The following LRRC4C variants were observed in gnomAD, a reference collection of about 807,000 sequenced individuals.
The protein encoded by LRRC4C is leucine rich repeat containing 4C.
In LRRC4C, 5 loss-of-function variants were observed where a neutral mutation model predicts 33.6. The ratio of observed to expected loss-of-function variants is 0.15; its 90% confidence interval spans 0.08 to 0.31. The LOEUF (loss-of-function observed/expected upper bound fraction) is 0.31, where lower values mean the gene tolerates loss of function less well. Among genes scored for constraint, LRRC4C ranks in the 10% least tolerant of loss-of-function variants. LRRC4C has a pLI of 1.00. For missense variants in LRRC4C, 560 were observed against 796.7 expected, an observed-to-expected ratio of 0.70 and a Z score of 3.58; for synonymous variants, 329 against 302.0, an observed-to-expected ratio of 1.09 and a Z score of -0.93.
At chr11:41,347,582 C>A (rs1272831410) in intron 1 of LRRC4C, among the ~76,000 whole-genome samples, 4 of 152,024 alleles carry the variant, frequency 2.6e-5, no homozygotes, top group African/African-American at 7.3e-5. Context: ...TGGATGGAAT[C>A]GATTTCTATC....
At chr11:40,309,307 C>A (rs192564528) in intron 4 of LRRC4C, among the ~76,000 whole-genome samples, 24 of 152,056 alleles carry the variant, frequency 1.6e-4, no homozygotes, top group Non-Finnish European at 2.6e-4. Context: ...GGAATCATAC[C>A]ATGTGTGGTC....
At chr11:41,296,504 G>A (rs958736671) in intron 1 of LRRC4C, among the ~76,000 whole-genome samples, 13 of 151,852 alleles carry the variant, frequency 8.6e-5, no homozygotes, top group Admixed American at 3.3e-4. Context: ...TAGTAGAGAC[G>A]GGGTTTCACC....
intron 2 of LRRC4C, among the ~76,000 whole-genome samples, chr11:40,901,942 C>T (rs1271509239): frequency 1.3e-5 from 2 of 150,710 alleles, no homozygotes; most frequent in Non-Finnish European, 3.0e-5. Context: ...TAAAATGATG[C>T]TATTGCCTTT....
At chr11:41,389,191 A>G (rs2137976005) in intron 1 of LRRC4C, among the ~76,000 whole-genome samples, 1 of 152,078 alleles carries the variant, frequency 6.6e-6, no homozygotes, top group Admixed American at 6.6e-5. Flanking sequence ...ATATCTACAC[A>G]GGACCTTGCA....
chr11:41,254,607 T>C (rs990145596), intron 1 of LRRC4C, among the ~76,000 whole-genome samples: 1 of 151,988 alleles, frequency 6.6e-6, no homozygotes, highest in Non-Finnish European at 1.5e-5. Context: ...ATATTTCCCT[T>C]CAGAAATTTG....
rs1227360623 is a variant in LRRC4C at position 41,023,046 on chromosome 11, C to G, written c.-495-89323G>C. Among the ~76,000 whole-genome samples the G allele has an allele frequency of 4.6e-5, 7 of 151,810 alleles. No homozygotes were observed. In the South Asian group the frequency reaches 8.3e-4, roughly 18 times the overall value. On this transcript the variant is annotated intron_variant, in intron 1 of 6. Transcript: ENST00000528697. ...TATGTATCTTAACTCTACATTCTAG[C>G]TATGTAAAGCCTAAAGCACATTTTA... is the stretch of plus-strand genomic sequence containing the variant.
In LRRC4C at chr11:41,097,916, G is replaced by A. The variant is rs143643423; in HGVS notation, c.-495-164193C>T. On this transcript the variant is annotated intron_variant, in intron 1 of 6. Transcript: ENST00000528697. ...CACACCCCCATGCCCTGACAGGTTAGCATCCTTGTCCTGCTTTGTACCTCT... is the reference window on the plus strand; with the variant it reads ...CACACCCCCATGCCCTGACAGGTTAACATCCTTGTCCTGCTTTGTACCTCT... 7.5e-4 allele frequency among the ~76,000 whole-genome samples: 114 copies of A among 152,144 alleles called. 1 individual carries two copies. The highest frequency in any genetic ancestry group is 2.7e-3 in the African/African-American group (110 of 41,502).
intron 1 of LRRC4C, among the ~76,000 whole-genome samples, chr11:40,953,732 G>T (rs548890595): frequency 2.6e-5 from 4 of 151,948 alleles, no homozygotes; most frequent in South Asian, 2.1e-4. Context: ...GGTAGCGAAG[G>T]TTCAGGTGAA....
At chr11:40,919,271 G>A (rs576615923) in intron 2 of LRRC4C, among the ~76,000 whole-genome samples, 1 of 152,134 alleles carries the variant, frequency 6.6e-6, no homozygotes, top group African/African-American at 2.4e-5. Flanking sequence ...TAGATCCAGG[G>A]GCTAATCCAA....
intron 3 of LRRC4C, among the ~76,000 whole-genome samples, chr11:40,535,357 A>C (rs1956427668): frequency 6.6e-6 from 1 of 152,206 alleles, no homozygotes; most frequent in African/African-American, 2.4e-5. Context: ...GAAATAGGTT[A>C]GAGAGACACA....
chr11:40,923,050 C>T (rs1957255784), intron 2 of LRRC4C, among the ~76,000 whole-genome samples: 2 of 152,160 alleles, frequency 1.3e-5, no homozygotes, highest in Non-Finnish European at 2.9e-5. Flanking sequence ...GTCTTAAACT[C>T]CTGACCTCAG....
At chr11:40,314,401 C>A (rs1945473770) in intron 4 of LRRC4C, among the ~76,000 whole-genome samples, 1 of 151,960 alleles carries the variant, frequency 6.6e-6, no homozygotes, top group African/African-American at 2.4e-5. Flanking sequence ...AACAAAAAAA[C>A]AAATGCTAGG....
chr11:40,939,067 G>A (rs1275092610), intron 1 of LRRC4C, among the ~76,000 whole-genome samples: 6 of 152,010 alleles, frequency 3.9e-5, no homozygotes, highest in South Asian at 2.1e-4. Flanking sequence ...CTAAAATAAC[G>A]ATTATTCTGT....
chr11:40,679,840 C>T (rs1413682800), intron 2 of LRRC4C, among the ~76,000 whole-genome samples: 3 of 152,166 alleles, frequency 2.0e-5, no homozygotes, highest in Non-Finnish European at 2.9e-5. Flanking sequence ...TCAGATCCCC[C>T]ACACATAATC....
At chr11:40,568,942 A>G (rs1441736667) in intron 3 of LRRC4C, among the ~76,000 whole-genome samples, 1 of 152,162 alleles carries the variant, frequency 6.6e-6, no homozygotes, top group African/African-American at 2.4e-5. Flanking sequence ...TCTGAGTTCA[A>G]TATGGGAAAA....
At chr11:40,913,428 A>C (rs1432448980) in intron 2 of LRRC4C, among the ~76,000 whole-genome samples, 2 of 152,206 alleles carry the variant, frequency 1.3e-5, no homozygotes. Flanking sequence ...GAAAATGAAC[A>C]ATCTACTCCT....
chr11:40,804,244 T>C (rs886532072), intron 2 of LRRC4C, among the ~76,000 whole-genome samples: 4 of 152,162 alleles, frequency 2.6e-5, no homozygotes, highest in African/African-American at 7.2e-5. Context: ...TAGGCTCCAT[T>C]TGCTTACAAA....
At chr11:41,165,445 G>C (rs1049827156) in intron 1 of LRRC4C, among the ~76,000 whole-genome samples, 7 of 151,944 alleles carry the variant, frequency 4.6e-5, no homozygotes, top group Admixed American at 3.9e-4. Context: ...TTTCCTTTTT[G>C]CCAAGTAACA....
At chr11:41,266,649 T>C (rs939820827) in intron 1 of LRRC4C, among the ~76,000 whole-genome samples, 1 of 152,110 alleles carries the variant, frequency 6.6e-6, no homozygotes, top group African/African-American at 2.4e-5. Context: ...GAGATAGACA[T>C]GCATAAGAAA....
Sources: allele counts gnomAD v4.1 joint callset (sites outside exome capture counted in the v4.1 genomes callset), GRCh38; gene constraint gnomAD v4.1.1; transcripts MANE v1.5; gene names NCBI Gene and HGNC (gene_info 2026-07-23, HGNC 2026-07-21).